RSBN1: variants seen among roughly 807,000 people sequenced by gnomAD.
RSBN1 encodes lysine-specific demethylase 9.
In RSBN1, 23 loss-of-function variants were observed where a neutral mutation model predicts 74.8. The observed-to-expected ratio is 0.31, with a 90% CI of 0.22 to 0.44. The LOEUF (loss-of-function observed/expected upper bound fraction) is 0.44. Ranked by LOEUF, RSBN1 falls within the 20% of genes least tolerant of loss-of-function variation. The pLI is 1.00. For synonymous variants in RSBN1, 407 were observed against 379.6 expected (o/e 1.07, Z -0.84); for missense variants, 808 against 1,020.9 (o/e 0.79, Z 2.84).
At chr1:113,774,035 A>G (rs986524895) in intron 4 of RSBN1, among the ~76,000 whole-genome samples, 2 of 152,124 alleles carry the variant, frequency 1.3e-5, no homozygotes, top group Non-Finnish European at 2.9e-5. Context: ...ACAAACACGC[A>G]TATGCACAAA....
In RSBN1 at chr1:113,764,998, G is replaced by A. The variant is rs922284089; in HGVS notation, c.*982C>T. 7 of 152,298 alleles carry A rather than the reference G, an allele frequency of 4.6e-5. No individual in the cohort carries two copies. Among genetic ancestry groups the A allele is most frequent in the Admixed American group, 4.6e-4 (7 of 15,262 alleles). 9.4% of individuals were successfully genotyped at this position (152,298 alleles called of 1,614,324 possible). ...AGTAAATAAACCCAGGTATTCACCA[G>A]TTAAAACTGTGAATTGAAGTGTCTC... On this transcript the variant is annotated 3_prime_UTR_variant, in exon 7 of 7. Coordinates refer to ENST00000261441, the MANE Select transcript of RSBN1 (RefSeq NM_018364.5).
At position 113,795,733 on chromosome 1, in the gene RSBN1, T is replaced by A. The variant is rs560034615; in HGVS notation, c.1377+1630A>T. Among the ~76,000 whole-genome samples, 188 of 152,346 alleles carry A rather than the reference T, an allele frequency of 1.2e-3. 2 individuals are homozygous for A. The highest frequency in any genetic ancestry group is 4.3e-3 in the Admixed American group (66 of 15,302). On this transcript the variant is annotated intron_variant, in intron 2 of 6. Coordinates refer to ENST00000261441, the MANE Select transcript of RSBN1 (RefSeq NM_018364.5). The stretch of plus-strand genomic sequence containing the variant: ...AGTCATTTAAATTTCAGCTCCATTT[T>A]AAAAAATTAATTGGAGGACAAAAAT...
At chr1:113,797,173 G>A (rs993106995) in intron 2 of RSBN1, among the ~76,000 whole-genome samples, 190 bp downstream of exon 2, 2 of 152,104 alleles carry the variant, frequency 1.3e-5, no homozygotes, top group African/African-American at 2.4e-5. Context: ...ATTCCCTCCA[G>A]TAAAGAAGAA....
intron 2 of RSBN1, among the ~76,000 whole-genome samples, chr1:113,791,144 C>G (rs1033141756): frequency 6.6e-6 from 1 of 151,888 alleles, no homozygotes; most frequent in African/African-American, 2.4e-5. Context: ...GGAGACATAA[C>G]GCCAACAGGA....
At chr1:113,793,506 A>T (rs1162913899) in intron 2 of RSBN1, among the ~76,000 whole-genome samples, 1 of 151,906 alleles carries the variant, frequency 6.6e-6, no homozygotes, top group African/African-American at 2.4e-5. Flanking sequence ...CATCATACTT[A>T]CTTGTGGATG....
chr1:113,787,167 G>A (rs1660260985), intron 2 of RSBN1, among the ~76,000 whole-genome samples: 1 of 152,152 alleles, frequency 6.6e-6, no homozygotes, highest in African/African-American at 2.4e-5. Context: ...CCTCTTTTGT[G>A]TGATCATGTT....
chr1:113,775,685 G>T (rs954292607), intron 4 of RSBN1, among the ~76,000 whole-genome samples: 1 of 152,030 alleles, frequency 6.6e-6, no homozygotes, highest in African/African-American at 2.4e-5. Flanking sequence ...TAAAAATCAG[G>T]AAACAAATGA....
chr1:113,788,228 T>C (rs1476844479), intron 2 of RSBN1, among the ~76,000 whole-genome samples: 6 of 151,618 alleles, frequency 4.0e-5, no homozygotes, highest in Admixed American at 3.9e-4. Context: ...AAAATTGAGG[T>C]TGAATCGGGA....
intron 1 of RSBN1, among the ~76,000 whole-genome samples, chr1:113,810,702 T>C (rs17509390): frequency 0.22 from 33,042 of 152,138 alleles, 4,498 homozygotes; most frequent in South Asian, 0.39. Context: ...TGAAAGATTG[T>C]CTCATTAACA....
At position 113,762,170 on chromosome 1, in the gene RSBN1, G is replaced by A. The variant is rs546277746; in HGVS notation, c.*3810C>T. The A allele has an allele frequency of 6.5e-6, 1 of 152,712 alleles. No individual in the cohort carries two copies. Among genetic ancestry groups the A allele is most frequent in the Non-Finnish European group, 1.5e-5 (1 of 68,014 alleles). 9.5% of individuals were successfully genotyped at this position (152,712 alleles called of 1,614,324 possible). On this transcript the variant is annotated 3_prime_UTR_variant, in exon 7 of 7. Transcript: ENST00000261441. ...AGTCTTAGCTGCCAATCAAAATGGA[G>A]TTTACTCACAGAAAACACTATTACA...
intron 1 of RSBN1, among the ~76,000 whole-genome samples, chr1:113,801,896 T>C (rs1237320163): frequency 6.6e-6 from 1 of 152,216 alleles, no homozygotes; most frequent in African/African-American, 2.4e-5. Flanking sequence ...TCAATTAATG[T>C]CATCTGATTT....
Position 113,812,274 on chromosome 1 carries a change from C to A in RSBN1, c.139G>T (p.Gly47Cys). 3 of 1,605,708 alleles carry A rather than the reference C, an allele frequency of 1.9e-6. No homozygotes were observed. Among genetic ancestry groups the A allele is most frequent in the Non-Finnish European group, 2.5e-6 (3 of 1,179,870 alleles). Residue 47 changes from glycine (G) to cysteine (C), a missense_variant, in exon 1 of 7, where the codon GGT (glycine) becomes TGT (cysteine). By Grantham distance (159) the Gly-to-Cys change is radical (BLOSUM62 -3). Transcript: ENST00000261441. ...GCTCCGACCTGCGCAGCCATTTCAC[C>A]CACAAACACACATTTAAATGGCCCG... is the stretch of plus-strand genomic sequence containing the variant. ...AVGPFKCVFV[G>C]EMAAQVGAVR...
At position 113,765,705 on chromosome 1, in the gene RSBN1, T is replaced by C. The variant is rs1659764586; in HGVS notation, c.*275A>G. 3.2e-6 allele frequency: 1 copy of C among 311,260 alleles called. No individual in the cohort carries two copies. Among genetic ancestry groups the C allele is most frequent in the East Asian group, 5.1e-5 (1 of 19,692 alleles). 19.3% of individuals were successfully genotyped at this position (311,260 alleles called of 1,614,324 possible). On this transcript the variant is annotated 3_prime_UTR_variant, in exon 7 of 7. Coordinates refer to ENST00000261441, the MANE Select transcript of RSBN1 (RefSeq NM_018364.5). The stretch of plus-strand genomic sequence containing the variant: ...CTGTTATTCCAGAGAATTCTCATTT[T>C]GATTTGAAGAAGAGATTGAATTGTT...
chr1:113,802,532 C>G (rs375038491), intron 1 of RSBN1, among the ~76,000 whole-genome samples: 1 of 152,084 alleles, frequency 6.6e-6, no homozygotes, highest in Non-Finnish European at 1.5e-5. Context: ...ATTTTGAAAG[C>G]CAAACATTTG....
At chr1:113,767,664 TTA>T (rs1287160735) in intron 5 of RSBN1, among the ~76,000 whole-genome samples, 2 of 152,132 alleles carry the variant, frequency 1.3e-5, no homozygotes, top group African/African-American at 2.4e-5. Flanking sequence ...GAAGAGATAT[TTA>T]TACACCCATG....
At chr1:113,801,532 A>C (rs569193734) in intron 1 of RSBN1, among the ~76,000 whole-genome samples, 19 of 152,348 alleles carry the variant, frequency 1.2e-4, no homozygotes, top group African/African-American at 4.6e-4. Context: ...CTTGAATTTA[A>C]AACGTTATTT....
chr1:113,795,911 T>C (rs1660461900), intron 2 of RSBN1, among the ~76,000 whole-genome samples: 1 of 152,194 alleles, frequency 6.6e-6, no homozygotes, highest in Non-Finnish European at 1.5e-5. Context: ...TTCTGGCTTA[T>C]TTCTCAGAAA....
At chr1:113,766,815 C>A (rs1315539813) in intron 6 of RSBN1, among the ~76,000 whole-genome samples, 1 of 152,170 alleles carries the variant, frequency 6.6e-6, no homozygotes, top group African/African-American at 2.4e-5. Flanking sequence ...GGACACAGTG[C>A]AATGGGGTTA....
At chr1:113,787,757 G>A (rs1164094617) in intron 2 of RSBN1, among the ~76,000 whole-genome samples, 1 of 152,156 alleles carries the variant, frequency 6.6e-6, no homozygotes, top group African/African-American at 2.4e-5. Context: ...TAGATTTTTA[G>A]CTGTAGAAAC....
Sources: allele counts gnomAD v4.1 joint callset (sites outside exome capture counted in the v4.1 genomes callset), GRCh38; gene constraint gnomAD v4.1.1; transcripts MANE v1.5; gene names NCBI Gene and HGNC (gene_info 2026-07-23, HGNC 2026-07-21).